Variants in HCN1 observed in about 807,000 individuals in gnomAD.
HCN1 encodes the protein potassium/sodium hyperpolarization-activated cyclic nucleotide-gated channel 1.
Under a neutral mutation model 78.9 loss-of-function variants are expected in HCN1, and 13 were observed. The observed-to-expected ratio is 0.16, with a 90% CI of 0.11 to 0.26. HCN1 has a LOEUF of 0.26. Ranked by LOEUF, HCN1 falls within the 10% of genes least tolerant of loss-of-function variation. HCN1 has a pLI of 1.00. For missense variants in HCN1, 810 were observed against 1,154.3 expected (o/e 0.70, Z 4.32); for synonymous variants, 552 against 455.5 (o/e 1.21, Z -2.70).
At chr5:45,581,643 T>C (rs1287092804) in intron 2 of HCN1, among the ~76,000 whole-genome samples, 1 of 152,218 alleles carries the variant, frequency 6.6e-6, no homozygotes, top group African/African-American at 2.4e-5. Context: ...CTAGGGTTTT[T>C]ATGGTATTAG....
At chr5:45,397,535 G>A (rs138565211) in intron 3 of HCN1, among the ~76,000 whole-genome samples, 1 of 151,512 alleles carries the variant, frequency 6.6e-6, no homozygotes, top group African/African-American at 2.4e-5. Context: ...TTATTTTTTG[G>A]ATAAATTTTA....
intron 2 of HCN1, among the ~76,000 whole-genome samples, chr5:45,593,887 G>T (rs1372934580): frequency 2.0e-5 from 3 of 152,152 alleles, no homozygotes; most frequent in Admixed American, 2.0e-4. Flanking sequence ...TGTTGGTCAG[G>T]CTAGTCCCAA....
chr5:45,326,885 A>G (rs774422148), intron 5 of HCN1, among the ~76,000 whole-genome samples: 1 of 151,676 alleles, frequency 6.6e-6, no homozygotes, highest in Non-Finnish European at 1.5e-5. Flanking sequence ...ATAGGGACAT[A>G]CTGTTCTGTT....
chr5:45,360,553 T>C (rs1229887156), intron 4 of HCN1, among the ~76,000 whole-genome samples: 1 of 152,128 alleles, frequency 6.6e-6, no homozygotes, highest in African/African-American at 2.4e-5. Context: ...GTATTGTTTC[T>C]AGAATTTTTG....
At chr5:45,596,352 A>T (rs1421905173) in intron 2 of HCN1, among the ~76,000 whole-genome samples, 8 of 152,204 alleles carry the variant, frequency 5.3e-5, no homozygotes, top group East Asian at 3.8e-4. Context: ...GTAGATAATT[A>T]AAAAAATAGT....
At chr5:45,527,969 C>T (rs1430711629) in intron 2 of HCN1, among the ~76,000 whole-genome samples, 5 of 149,500 alleles carry the variant, frequency 3.3e-5, no homozygotes, top group African/African-American at 4.9e-5. Context: ...ACTCTATAGT[C>T]CTAGGGGAAA....
intron 3 of HCN1, among the ~76,000 whole-genome samples, chr5:45,404,195 T>G (rs775001542): frequency 6.6e-6 from 1 of 152,178 alleles, no homozygotes; most frequent in Non-Finnish European, 1.5e-5. Flanking sequence ...TGGCTATTCC[T>G]TTTTCACCTT....
chr5:45,599,185 G>A lies in HCN1; in HGVS notation c.849+46000C>T, dbSNP rs184282269. ...AAATAGCCATCAATGCTAGACTGGA[G>A]TAAGAAAATGTGGCATGTGTACACC... is the stretch of plus-strand genomic sequence containing the variant. On this transcript the variant is annotated intron_variant, in intron 2 of 7. Transcript: ENST00000303230. Among the ~76,000 whole-genome samples the A allele has an allele frequency of 1.1e-4, 16 of 152,192 alleles. No individual in the cohort carries two copies. The East Asian group carries it at 3.1e-3, about 29-fold the overall frequency.
intron 2 of HCN1, among the ~76,000 whole-genome samples, chr5:45,494,886 G>C (rs1316042429): frequency 1.3e-5 from 2 of 151,654 alleles, no homozygotes; most frequent in Non-Finnish European, 2.9e-5. Context: ...TTTTTCTCAG[G>C]TTTGTCAAAG....
chr5:45,603,226 T>A (rs1202500360), intron 2 of HCN1, among the ~76,000 whole-genome samples: 1 of 152,044 alleles, frequency 6.6e-6, no homozygotes, highest in African/African-American at 2.4e-5. Flanking sequence ...TTGCCAAGCA[T>A]ACCTTTTCCA....
chr5:45,633,196 G>A (rs1265908814), intron 2 of HCN1, among the ~76,000 whole-genome samples: 1 of 151,754 alleles, frequency 6.6e-6, no homozygotes, highest in Non-Finnish European at 1.5e-5. Flanking sequence ...AACCATTTAA[G>A]GATCTTTCAA....
intron 6 of HCN1, among the ~76,000 whole-genome samples, chr5:45,294,565 A>G (rs1157022617): frequency 2.0e-5 from 3 of 151,998 alleles, no homozygotes; most frequent in Non-Finnish European, 4.4e-5. Flanking sequence ...AGTAAAGGAG[A>G]TATTAATAAT....
chr5:45,442,668 T>C (rs1353566150), intron 3 of HCN1, among the ~76,000 whole-genome samples: 2 of 150,642 alleles, frequency 1.3e-5, no homozygotes, highest in African/African-American at 4.8e-5. Flanking sequence ...TTGATGACTC[T>C]AGGTATCATT....
At chr5:45,297,454 C>G (rs1244012715) in intron 6 of HCN1, among the ~76,000 whole-genome samples, 3 of 152,054 alleles carry the variant, frequency 2.0e-5, no homozygotes, top group Non-Finnish European at 4.4e-5. Flanking sequence ...GGGGCTTGCT[C>G]CCAACATCAA....
chr5:45,660,582 A>G (rs1325541516), intron 1 of HCN1, among the ~76,000 whole-genome samples: 1 of 152,132 alleles, frequency 6.6e-6, no homozygotes, highest in African/African-American at 2.4e-5. Context: ...AGACACACAT[A>G]GGCTCAAAAT....
At chr5:45,337,347 T>C (rs568505286) in intron 5 of HCN1, among the ~76,000 whole-genome samples, 2 of 152,252 alleles carry the variant, frequency 1.3e-5, no homozygotes, top group African/African-American at 4.8e-5. Flanking sequence ...CATGCTTTTG[T>C]AATACATTAA....
chr5:45,449,027 T>C (rs1740854987), intron 3 of HCN1, among the ~76,000 whole-genome samples: 1 of 152,138 alleles, frequency 6.6e-6, no homozygotes, highest in South Asian at 2.1e-4. Context: ...GGCATGAGAA[T>C]TGCTTGAGCC....
intron 6 of HCN1, among the ~76,000 whole-genome samples, chr5:45,294,778 A>G (rs1579786235): frequency 6.6e-6 from 1 of 152,038 alleles, no homozygotes; most frequent in Non-Finnish European, 1.5e-5. Flanking sequence ...TTCCATGGAA[A>G]TTAAATAAAA....
intron 1 of HCN1, among the ~76,000 whole-genome samples, chr5:45,678,999 C>A (rs187976300): frequency 6.6e-6 from 1 of 151,886 alleles, no homozygotes; most frequent in Admixed American, 6.6e-5. Context: ...AGAATATCAC[C>A]TAAATAACTA....
Sources: allele counts gnomAD v4.1 joint callset (sites outside exome capture counted in the v4.1 genomes callset), GRCh38; gene constraint gnomAD v4.1.1; transcripts MANE v1.5; gene names NCBI Gene and HGNC (gene_info 2026-07-23, HGNC 2026-07-21).